The following FGGY variants were observed in gnomAD, a reference collection of about 807,000 sequenced individuals.
The protein encoded by FGGY is FGGY carbohydrate kinase domain containing.
In FGGY, 72 loss-of-function variants were observed where a neutral mutation model predicts 71.3. That is an observed-to-expected ratio of 1.01 (90% CI 0.84 to 1.23). The LOEUF (loss-of-function observed/expected upper bound fraction) is 1.23. Among genes scored for constraint, FGGY ranks in the 50% most tolerant of loss-of-function variants. The pLI, the probability that FGGY is intolerant of heterozygous loss-of-function variation, is 0.00. For synonymous variants in FGGY, 251 were observed against 250.3 expected (o/e 1.00, Z -0.02); for missense variants, 668 against 682.3 (o/e 0.98, Z 0.23).
At chr1:59,560,440 G>C (rs894161476) in intron 8 of FGGY, among the ~76,000 whole-genome samples, 1 of 152,064 alleles carries the variant, frequency 6.6e-6, no homozygotes, top group Non-Finnish European at 1.5e-5. Flanking sequence ...AATAAAGTAT[G>C]GTCTTCAGTT....
intron 6 of FGGY, among the ~76,000 whole-genome samples, chr1:59,499,563 G>T (rs919369112): frequency 5.9e-5 from 9 of 152,086 alleles, no homozygotes; most frequent in Non-Finnish European, 2.9e-5. Context: ...CGAAACTGCA[G>T]ATAAGGGGAG....
intron 14 of FGGY, among the ~76,000 whole-genome samples, chr1:59,715,051 T>G (rs986638950): frequency 6.6e-6 from 1 of 152,176 alleles, no homozygotes; most frequent in African/African-American, 2.4e-5. Context: ...GAAAAGCCCT[T>G]TCTTTCGTTG....
At chr1:59,403,436 A>G (rs958220991) in intron 5 of FGGY, among the ~76,000 whole-genome samples, 17 of 152,302 alleles carry the variant, frequency 1.1e-4, no homozygotes, top group African/African-American at 4.1e-4. Context: ...ATTGCATTGC[A>G]GTATAATTAG....
intron 1 of FGGY, among the ~76,000 whole-genome samples, chr1:59,314,931 A>G (rs2045133803): frequency 6.6e-6 from 1 of 152,042 alleles, no homozygotes; most frequent in Non-Finnish European, 1.5e-5. Context: ...TATGTGTGTG[A>G]TGTTGTTTTC....
intron 7 of FGGY, among the ~76,000 whole-genome samples, chr1:59,542,097 T>A (rs2095448124): frequency 1.3e-5 from 2 of 152,144 alleles, no homozygotes; most frequent in Admixed American, 1.3e-4. Context: ...CTTGTAATCA[T>A]AAGGTCAGAG....
At chr1:59,420,727 C>T (rs2065253274) in intron 5 of FGGY, among the ~76,000 whole-genome samples, 1 of 152,076 alleles carries the variant, frequency 6.6e-6, no homozygotes, top group Non-Finnish European at 1.5e-5. Flanking sequence ...AATTCTTCTA[C>T]CCTGAAATGA....
intron 5 of FGGY, among the ~76,000 whole-genome samples, chr1:59,426,622 C>T (rs1290097616): frequency 1.3e-5 from 2 of 152,232 alleles, no homozygotes; most frequent in Admixed American, 6.5e-5. Flanking sequence ...TTCTAACTCA[C>T]AGGCCTCCCC....
At chr1:59,420,065 C>G (rs2065145786) in intron 5 of FGGY, among the ~76,000 whole-genome samples, 1 of 152,202 alleles carries the variant, frequency 6.6e-6, no homozygotes, top group Non-Finnish European at 1.5e-5. Flanking sequence ...GGCTTGTTCA[C>G]TAGTTGAATC....
chr1:59,374,568 G>A (rs913897773), intron 4 of FGGY, among the ~76,000 whole-genome samples: 4 of 152,020 alleles, frequency 2.6e-5, no homozygotes, highest in Non-Finnish European at 4.4e-5. Context: ...ATACCCAAAG[G>A]ACTATAAATC....
At chr1:59,711,001 T>C (rs1324602085) in intron 14 of FGGY, among the ~76,000 whole-genome samples, 3 of 152,158 alleles carry the variant, frequency 2.0e-5, no homozygotes, top group Admixed American at 6.5e-5. Context: ...TGTATTTTTA[T>C]TGCAGTACTA....
intron 14 of FGGY, among the ~76,000 whole-genome samples, chr1:59,705,330 T>C (rs973949512): frequency 6.6e-6 from 1 of 152,198 alleles, no homozygotes; most frequent in Non-Finnish European, 1.5e-5. Flanking sequence ...ATTTCTTTAC[T>C]TGAAGCTGTG....
chr1:59,614,766 A>G (rs865817071), intron 9 of FGGY, among the ~76,000 whole-genome samples: 48 of 152,186 alleles, frequency 3.2e-4, no homozygotes, highest in African/African-American at 1.1e-3. Flanking sequence ...TCTCAGCCCA[A>G]AATCTCCTTA....
intron 7 of FGGY, among the ~76,000 whole-genome samples, chr1:59,537,723 C>G (rs564211742): frequency 2.0e-5 from 3 of 151,844 alleles, no homozygotes; most frequent in African/African-American, 7.2e-5. Context: ...CTTTGACAAA[C>G]CTGAGAAAAA....
chr1:59,708,604 G>T (rs1378240052), intron 14 of FGGY, among the ~76,000 whole-genome samples: 3 of 152,156 alleles, frequency 2.0e-5, no homozygotes. Flanking sequence ...TTTAAAGGAG[G>T]TTATGTGAGG....
chr1:59,348,766 A>G (rs893500302), intron 4 of FGGY, among the ~76,000 whole-genome samples: 4 of 152,138 alleles, frequency 2.6e-5, no homozygotes, highest in Non-Finnish European at 5.9e-5. Flanking sequence ...CTTTTTAGCT[A>G]TTTTATATAT....
intron 5 of FGGY, among the ~76,000 whole-genome samples, chr1:59,431,857 G>A (rs1416036348): frequency 6.6e-6 from 1 of 152,114 alleles, no homozygotes; most frequent in Non-Finnish European, 1.5e-5. Context: ...TTTGACTCTG[G>A]TTCCTAACAG....
chr1:59,629,213 A>AAATG (rs2096886170), intron 10 of FGGY, among the ~76,000 whole-genome samples: 2 of 149,078 alleles, frequency 1.3e-5, no homozygotes, highest in African/African-American at 5.2e-5. Flanking sequence ...CTTAAATAAA[A>AAATG]AATGAATAAA....
chr1:59,538,067 A>G (rs563218094), intron 7 of FGGY, among the ~76,000 whole-genome samples: 1 of 152,208 alleles, frequency 6.6e-6, no homozygotes, highest in Non-Finnish European at 1.5e-5. Context: ...GGCAACCTAC[A>G]AAATGGGAGA....
chr1:59,693,438 G>A (rs1300101798), intron 14 of FGGY, among the ~76,000 whole-genome samples: 1 of 152,250 alleles, frequency 6.6e-6, no homozygotes, highest in Non-Finnish European at 1.5e-5. Flanking sequence ...TAAGGTCGTT[G>A]TGATGATTAA....
Sources: gnomAD v4.1 joint callset for allele counts (sites outside exome capture counted in the v4.1 genomes callset) on GRCh38, gnomAD v4.1.1 for gene constraint, MANE v1.5 for transcripts, NCBI Gene and HGNC (gene_info 2026-07-23, HGNC 2026-07-21) for gene names.